Variants in GALNT13 observed in about 807,000 individuals in gnomAD.
The protein encoded by GALNT13 is polypeptide N-acetylgalactosaminyltransferase 13, also known as UDP-GalNAc:polypeptide N-acetylgalactosaminyltransferase 13.
A neutral mutation model predicts 64.2 loss-of-function variants in GALNT13; 28 were observed. That is an observed-to-expected ratio of 0.44 (90% CI 0.32 to 0.60). GALNT13 has a LOEUF of 0.60. Among genes scored for constraint, GALNT13 ranks in the 20% least tolerant of loss-of-function variants. GALNT13 has a pLI of 0.05. For missense variants in GALNT13, 577 were observed against 669.8 expected (o/e 0.86, Z 1.53); for synonymous variants, 214 against 224.6 (o/e 0.95, Z 0.42).
Position 154,245,995 on chromosome 2 carries a change from T to TA in GALNT13, c.857+14dup. 6.3e-7 allele frequency: 1 copy of TA among 1,594,968 alleles called. No individual in the cohort carries two copies. Among genetic ancestry groups the TA allele is most frequent in the East Asian group, 2.2e-5 (1 of 44,634 alleles). The stretch of plus-strand genomic sequence containing the variant: ...CATTACCTGTCAGGTATGTAGATCA[T>TA]ATCTCTTGAAGATTATGTATATCCC... On this transcript the variant is annotated intron_variant, in intron 7 of 12. Transcript: ENST00000392825.
intron 3 of GALNT13, among the ~76,000 whole-genome samples, chr2:154,110,288 T>G (rs1184321248): frequency 0.011 from 17 of 1,566 alleles, no homozygotes; most frequent in Non-Finnish European, 0.023. Context: ...GATATATATA[T>G]ATATATATAT....
At chr2:154,260,560 A>G (rs1690641461) in intron 8 of GALNT13, among the ~76,000 whole-genome samples, 1 of 152,166 alleles carries the variant, frequency 6.6e-6, no homozygotes, top group South Asian at 2.1e-4. Flanking sequence ...CTATATGCTT[A>G]TATTCTCATG....
chr2:153,417,148 A>G, the GALNT13 span, among the ~76,000 whole-genome samples: 5 of 152,344 alleles, frequency 3.3e-5, no homozygotes, highest in Non-Finnish European at 5.9e-5. Flanking sequence ...GGAGAAGAAA[A>G]GAGACAGTGC....
chr2:153,409,452 C>T, the GALNT13 span, among the ~76,000 whole-genome samples: 2 of 151,068 alleles, frequency 1.3e-5, no homozygotes, highest in Admixed American at 6.6e-5. Context: ...TAGCCTGTAT[C>T]GTAAAATATC....
intron 1 of GALNT13, among the ~76,000 whole-genome samples, chr2:153,887,426 C>T (rs1488190232): frequency 1.3e-5 from 2 of 150,554 alleles, no homozygotes; most frequent in Admixed American, 1.3e-4. Context: ...CAAAATTGGG[C>T]CCCAAGTGCC....
intron 2 of GALNT13, among the ~76,000 whole-genome samples, chr2:153,920,342 A>G (rs1463748129): frequency 6.6e-6 from 1 of 152,088 alleles, no homozygotes; most frequent in Non-Finnish European, 1.5e-5. Flanking sequence ...ACCTACAACC[A>G]TCTGATCTTC....
chr2:154,336,658 A>ATAAAATTAGTTTCACAAAGGT (rs1695461394), intron 9 of GALNT13, among the ~76,000 whole-genome samples: 2 of 152,260 alleles, frequency 1.3e-5, no homozygotes, highest in East Asian at 3.9e-4. Flanking sequence ...TACTATAATT[A>ATAAAATTAGTTTCACAAAGGT]TAAAATTAGT....
chr2:153,154,233 A>G, the GALNT13 span, among the ~76,000 whole-genome samples: 1 of 152,026 alleles, frequency 6.6e-6, no homozygotes, highest in Non-Finnish European at 1.5e-5. Context: ...TGTTCTTGTG[A>G]TAGTGAATAA....
Position 153,988,912 on chromosome 2 carries a change from T to A in GALNT13, c.142+44273T>A, listed in dbSNP as rs186711510. Among the ~76,000 whole-genome samples, 543 of 152,068 alleles carry A rather than the reference T, an allele frequency of 3.6e-3. 4 individuals carry two copies. The highest frequency in any genetic ancestry group is 0.012 in the African/African-American group (514 of 41,550). On this transcript the variant is annotated intron_variant, in intron 3 of 12. Transcript: ENST00000392825. ...CAGAGATGGTAGTAAAAATGGAGAA[T>A]TCCTTCTCTTTTTGAGGTTCATCAT...
chr2:154,274,155 G>A (rs1239101012), intron 8 of GALNT13, among the ~76,000 whole-genome samples: 1 of 152,014 alleles, frequency 6.6e-6, no homozygotes, highest in African/African-American at 2.4e-5. Flanking sequence ...TATACGCAAG[G>A]TGTGGTTCTT....
chr2:153,935,350 A>G (rs10931838), intron 2 of GALNT13, among the ~76,000 whole-genome samples: 15,635 of 152,206 alleles, frequency 0.1, 1,914 homozygotes, highest in East Asian at 0.63. Flanking sequence ...CAGCCCATAT[A>G]CAAACATATA....
the GALNT13 span, among the ~76,000 whole-genome samples, chr2:153,241,875 G>A: frequency 1.3e-5 from 2 of 151,982 alleles, no homozygotes; most frequent in Admixed American, 6.6e-5. Flanking sequence ...TAGGATCCCT[G>A]TAAGCCTGCT....
At chr2:154,198,457 G>A (rs1022426549) in intron 4 of GALNT13, among the ~76,000 whole-genome samples, 4 of 151,812 alleles carry the variant, frequency 2.6e-5, no homozygotes, top group Non-Finnish European at 4.4e-5. Context: ...ACAATTCAGT[G>A]GCATTAGGTA....
the GALNT13 span, among the ~76,000 whole-genome samples, chr2:153,223,362 TAGC>T: frequency 6.6e-6 from 1 of 152,216 alleles, no homozygotes; most frequent in Non-Finnish European, 1.5e-5. Flanking sequence ...TGCCTGGCAA[TAGC>T]AGAATATTAA....
At chr2:154,296,417 C>A (rs1014953969) in intron 8 of GALNT13, among the ~76,000 whole-genome samples, 4 of 152,210 alleles carry the variant, frequency 2.6e-5, no homozygotes, top group African/African-American at 9.7e-5. Flanking sequence ...TCTCTCCATT[C>A]AGTTAGCTCC....
At chr2:154,172,413 G>A (rs926954530) in intron 4 of GALNT13, among the ~76,000 whole-genome samples, 5 of 151,528 alleles carry the variant, frequency 3.3e-5, no homozygotes, top group Non-Finnish European at 7.4e-5. Flanking sequence ...ACTGCTTTTT[G>A]GACCCATTAA....
At chr2:154,444,610 G>A (rs1371061154) in intron 12 of GALNT13, among the ~76,000 whole-genome samples, 1 of 152,030 alleles carries the variant, frequency 6.6e-6, no homozygotes. Flanking sequence ...GCTGATATGT[G>A]TTAAAGTGTT....
At chr2:153,633,203 AT>A in the GALNT13 span, among the ~76,000 whole-genome samples, 3 of 152,166 alleles carry the variant, frequency 2.0e-5, no homozygotes, top group Non-Finnish European at 4.4e-5. Context: ...CATACCTTTA[AT>A]TTCCAACATA....
chr2:153,093,761 C>T, the GALNT13 span, among the ~76,000 whole-genome samples: 5 of 152,064 alleles, frequency 3.3e-5, no homozygotes. Flanking sequence ...GATGTTAGTT[C>T]TTCTTTAAAT....
Sources: gnomAD v4.1 joint callset for allele counts (sites outside exome capture counted in the v4.1 genomes callset) on GRCh38, gnomAD v4.1.1 for gene constraint, MANE v1.5 for transcripts, NCBI Gene and HGNC (gene_info 2026-07-23, HGNC 2026-07-21) for gene names.